KCNK2: variants seen among roughly 807,000 people sequenced by gnomAD.
KCNK2 encodes the protein potassium channel subfamily K member 2.
Under a neutral mutation model 40.5 loss-of-function variants are expected in KCNK2, and 21 were observed. The ratio of observed to expected loss-of-function variants is 0.52; its 90% confidence interval spans 0.37 to 0.75. KCNK2 has a LOEUF of 0.75. Among genes scored for constraint, KCNK2 ranks in the 30% least tolerant of loss-of-function variants. The probability of loss-of-function intolerance (pLI) is 0.00; values close to 1 mark genes in which losing one functional copy is unlikely to be tolerated. For synonymous variants in KCNK2, 191 were observed against 202.2 expected (o/e 0.94, Z 0.47); for missense variants, 399 against 531.6 (o/e 0.75, Z 2.45).
chr1:215,011,232 A>G (rs1656376944), intron 1 of KCNK2, among the ~76,000 whole-genome samples: 1 of 152,006 alleles, frequency 6.6e-6, no homozygotes, highest in African/African-American at 2.4e-5. Context: ...TTGTCTTTAT[A>G]GTTTTACCTT....
chr1:215,224,892 G>C (rs1321458835), intron 6 of KCNK2, among the ~76,000 whole-genome samples: 1 of 152,060 alleles, frequency 6.6e-6, no homozygotes, highest in Non-Finnish European at 1.5e-5. Flanking sequence ...ATCTGAATCA[G>C]AGAAATTCCT....
chr1:215,176,722 T>C (rs1663994311), intron 5 of KCNK2, among the ~76,000 whole-genome samples: 1 of 152,238 alleles, frequency 6.6e-6, no homozygotes, highest in Admixed American at 6.5e-5. Context: ...CCAGGTTTTC[T>C]TTATCCAGTC....
chr1:215,078,415 A>T (rs777516025), upstream of KCNK2, among the ~76,000 whole-genome samples: 1 of 152,214 alleles, frequency 6.6e-6, no homozygotes, highest in East Asian at 1.9e-4. Flanking sequence ...GGTTTAATTA[A>T]TTCATAGTTC....
rs188074169 is a variant in KCNK2, at chr1:215,183,820, C to T, written c.824-11133C>T. On this transcript the variant is annotated intron_variant, in intron 5 of 6. Transcript: ENST00000444842. ...TTGGCTGTTTACTGTTCTTCCTTGACGCAAATTTCTTACTTAAATATTTTT... is the reference window on the plus strand; with the variant it reads ...TTGGCTGTTTACTGTTCTTCCTTGATGCAAATTTCTTACTTAAATATTTTT... 1.5e-3 allele frequency among the ~76,000 whole-genome samples: 225 copies of T among 152,184 alleles called. 1 individual carries two copies. The highest frequency in any genetic ancestry group is 1.9e-3 in the Non-Finnish European group (130 of 68,006).
chr1:215,006,351 A>G (rs536553340), intron 1 of KCNK2, among the ~76,000 whole-genome samples: 47 of 152,304 alleles, frequency 3.1e-4, no homozygotes, highest in African/African-American at 1.1e-3. Context: ...ACAGATTTAC[A>G]CATATTATTT....
At chr1:215,232,916 T>A (rs1324898469) in intron 6 of KCNK2, among the ~76,000 whole-genome samples, 3 of 152,166 alleles carry the variant, frequency 2.0e-5, no homozygotes, top group Non-Finnish European at 2.9e-5. Flanking sequence ...AGAAAAATAA[T>A]ATAAACTGTG....
rs1659248561 is a variant in KCNK2, at chr1:215,083,178, T to C, written c.-208T>C. The C allele has an allele frequency of 9.1e-7, 1 of 1,102,660 alleles. No homozygotes were observed. Among genetic ancestry groups the C allele is most frequent in the Admixed American group, 2.0e-5 (1 of 50,148 alleles). 68.3% of individuals were successfully genotyped at this position (1,102,660 alleles called of 1,614,324 possible). ...CCGGTGTCCCCTCCTTCCCGCGATT[T>C]CGTTTCTTCTCACGCTCCCCCCCCC... On this transcript the variant is annotated 5_prime_UTR_variant, in exon 1 of 7. Coordinates refer to ENST00000444842, the MANE Select transcript of KCNK2 (RefSeq NM_001017425.3).
chr1:215,018,108 A>C (rs968702516), intron 1 of KCNK2, among the ~76,000 whole-genome samples: 1 of 152,198 alleles, frequency 6.6e-6, no homozygotes, highest in Non-Finnish European at 1.5e-5. Flanking sequence ...AATATGTATG[A>C]TGTAGATATT....
intron 6 of KCNK2, among the ~76,000 whole-genome samples, chr1:215,226,638 C>G (rs1300509839): frequency 6.6e-6 from 1 of 152,056 alleles, no homozygotes; most frequent in African/African-American, 2.4e-5. Context: ...CTTTCTTTAA[C>G]TTCAAAGATT....
chr1:215,024,415 T>C lies in KCNK2; in HGVS notation c.34+18460T>C, dbSNP rs193073439. On this transcript the variant is annotated intron_variant, in intron 1 of 6. Transcript: ENST00000391895. The stretch of plus-strand genomic sequence containing the variant: ...GAGCCCAGTTCACTTACGCAGTGAA[T>C]AATATGTTTCTAATCCTAGCATTCA... 9.8e-5 allele frequency among the ~76,000 whole-genome samples: 15 copies of C among 152,328 alleles called. No individual in the cohort carries two copies. The East Asian group carries it at 2.1e-3, about 22-fold the overall frequency.
intron 6 of KCNK2, among the ~76,000 whole-genome samples, chr1:215,234,303 C>G (rs1195770708): frequency 6.6e-6 from 1 of 152,136 alleles, no homozygotes; most frequent in African/African-American, 2.4e-5. Flanking sequence ...CTTGCACACA[C>G]CTTTTCTGAT....
intron 3 of KCNK2, among the ~76,000 whole-genome samples, chr1:215,129,988 G>C (rs1012893231): frequency 6.6e-6 from 1 of 152,186 alleles, no homozygotes; most frequent in South Asian, 2.1e-4. Flanking sequence ...AATGTCTTCT[G>C]TTATTCAAAA....
intron 1 of KCNK2, among the ~76,000 whole-genome samples, chr1:215,007,037 A>ATATATATATGTGTGTGTGTGTGTG (rs1330420661): frequency 3.9e-5 from 2 of 51,604 alleles, no homozygotes; most frequent in Admixed American, 2.0e-4. Flanking sequence ...ATATATATAT[A>ATATATATATGTGTGTGTGTGTGTG]TGTGTGTGTG....
At chr1:215,145,169 ACTAC>A (rs1662360243) in intron 3 of KCNK2, among the ~76,000 whole-genome samples, 1 of 152,196 alleles carries the variant, frequency 6.6e-6, no homozygotes, top group South Asian at 2.1e-4. Flanking sequence ...CTTCAGTGGT[ACTAC>A]CTGAGCTATG....
At chr1:215,154,427 GT>G (rs997482657) in intron 3 of KCNK2, among the ~76,000 whole-genome samples, 96 of 149,180 alleles carry the variant, frequency 6.4e-4, no homozygotes, top group East Asian at 1.8e-3. Context: ...TTTTTGATGG[GT>G]TTTTTTTTTT....
At chr1:215,228,196 A>C (rs1666470324) in intron 6 of KCNK2, among the ~76,000 whole-genome samples, 1 of 152,170 alleles carries the variant, frequency 6.6e-6, no homozygotes, top group Admixed American at 6.5e-5. Flanking sequence ...GAACAAAGGT[A>C]GTTAAGGAGG....
intron 3 of KCNK2, among the ~76,000 whole-genome samples, chr1:215,142,293 G>A (rs1330726602): frequency 6.6e-6 from 1 of 152,068 alleles, no homozygotes. Flanking sequence ...TATTTTTGGA[G>A]ACATGCTCTT....
chr1:215,084,346 A>G lies in KCNK2; in HGVS notation c.46+915A>G, dbSNP rs139473985. 1.6e-4 allele frequency among the ~76,000 whole-genome samples: 24 copies of G among 152,338 alleles called. No homozygotes were observed. In the East Asian group the frequency reaches 4.4e-3, roughly 28 times the overall value. The stretch of plus-strand genomic sequence containing the variant: ...GTCTTAGTGCTTTCTGGTTCTGCAG[A>G]GTGTAAACCACTGATGTGAAAAATC... On this transcript the variant is annotated intron_variant, in intron 1 of 6. Coordinates refer to ENST00000444842, the MANE Select transcript of KCNK2 (RefSeq NM_001017425.3).
intron 6 of KCNK2, among the ~76,000 whole-genome samples, chr1:215,232,575 T>C (rs557843978): frequency 3.7e-4 from 57 of 152,326 alleles, no homozygotes; most frequent in Non-Finnish European, 5.9e-4. Context: ...CATACGAGGT[T>C]CTAGGTGCTG....
Sources: allele counts gnomAD v4.1 joint callset (sites outside exome capture counted in the v4.1 genomes callset), GRCh38; gene constraint gnomAD v4.1.1; transcripts MANE v1.5; gene names NCBI Gene and HGNC (gene_info 2026-07-23, HGNC 2026-07-21).